The following TENM2 variants were observed in gnomAD, a reference collection of about 807,000 sequenced individuals.
The protein encoded by TENM2 is teneurin-2.
Under a neutral mutation model 245.2 loss-of-function variants are expected in TENM2, and 52 were observed. The observed-to-expected ratio is 0.21, with a 90% CI of 0.17 to 0.27. The LOEUF is 0.27. Among genes scored for constraint, TENM2 ranks in the 10% least tolerant of loss-of-function variants. The pLI, the probability that TENM2 is intolerant of heterozygous loss-of-function variation, is 1.00. For missense variants in TENM2, 3,046 were observed against 3,666.8 expected (o/e 0.83, Z 4.37); for synonymous variants, 1,363 against 1,438.9 (o/e 0.95, Z 1.19).
At chr5:168,154,909 C>CCT (rs949288350) in intron 12 of TENM2, among the ~76,000 whole-genome samples, 3 of 152,220 alleles carry the variant, frequency 2.0e-5, no homozygotes, top group Non-Finnish European at 4.4e-5. Context: ...GGAACATCTG[C>CCT]CTCTCTCAAT....
intron 13 of TENM2, among the ~76,000 whole-genome samples, chr5:168,176,723 T>C (rs1185758911): frequency 2.0e-5 from 3 of 152,224 alleles, no homozygotes; most frequent in African/African-American, 7.2e-5. Flanking sequence ...CAACTCATTG[T>C]TACACGAATT....
At chr5:167,634,446 G>C (rs1049313058) in intron 2 of TENM2, among the ~76,000 whole-genome samples, 1 of 151,656 alleles carries the variant, frequency 6.6e-6, no homozygotes, top group African/African-American at 2.4e-5. Context: ...GCACAAAGAA[G>C]GTGCTCCATA....
chr5:167,731,297 G>A (rs1760420315), intron 2 of TENM2, among the ~76,000 whole-genome samples: 1 of 151,606 alleles, frequency 6.6e-6, no homozygotes, highest in African/African-American at 2.4e-5. Flanking sequence ...CCGTTACAGA[G>A]GGAATTTCAG....
chr5:167,219,796 T>C, the TENM2 span, among the ~76,000 whole-genome samples: 1 of 152,350 alleles, frequency 6.6e-6, no homozygotes, highest in South Asian at 2.1e-4. Context: ...ATAGTTTTCA[T>C]AAGTGGCTGC....
intron 9 of TENM2, among the ~76,000 whole-genome samples, chr5:168,115,363 A>AGGAAG (rs1554200288): frequency 3.1e-5 from 2 of 64,150 alleles, no homozygotes; most frequent in Non-Finnish European, 6.6e-5. Context: ...AAGGAAGGGA[A>AGGAAG]GGAAGGAAGG....
intron 2 of TENM2, among the ~76,000 whole-genome samples, chr5:167,715,580 AATTATT>A (rs1759201210): frequency 1.3e-5 from 2 of 152,236 alleles, no homozygotes; most frequent in Admixed American, 1.3e-4. Context: ...AAGGTTGATA[AATTATT>A]ATTGAGACAG....
At chr5:167,464,535 G>C (rs914345792) in intron 2 of TENM2, among the ~76,000 whole-genome samples, 3 of 152,050 alleles carry the variant, frequency 2.0e-5, no homozygotes, top group Admixed American at 2.0e-4. Context: ...CCTGTATCAC[G>C]AATACCATAT....
At chr5:167,358,392 A>T (rs1759480815) in intron 1 of TENM2, among the ~76,000 whole-genome samples, 1 of 151,856 alleles carries the variant, frequency 6.6e-6, no homozygotes, top group Non-Finnish European at 1.5e-5. Context: ...CTCCTCTTTG[A>T]CATACTTTCT....
intron 3 of TENM2, among the ~76,000 whole-genome samples, chr5:167,936,099 T>G (rs888403461): frequency 6.6e-6 from 1 of 152,224 alleles, no homozygotes; most frequent in Non-Finnish European, 1.5e-5. Context: ...GCAATTTCCA[T>G]TGATGAAAAA....
intron 3 of TENM2, among the ~76,000 whole-genome samples, chr5:167,947,855 GC>G (rs549579282): frequency 6.6e-5 from 10 of 152,058 alleles, no homozygotes; most frequent in Non-Finnish European, 1.3e-4. Context: ...AGCTAGGCAG[GC>G]CCTGACTTTT....
intron 2 of TENM2, among the ~76,000 whole-genome samples, chr5:167,874,873 CTG>C (rs1773287919): frequency 6.6e-6 from 1 of 152,178 alleles, no homozygotes; most frequent in Non-Finnish European, 1.5e-5. Context: ...GCTAGAGAGT[CTG>C]TGCTTTTCTT....
intron 4 of TENM2, among the ~76,000 whole-genome samples, chr5:167,960,848 C>T (rs974292328): frequency 3.9e-5 from 6 of 152,244 alleles, no homozygotes; most frequent in East Asian, 1.9e-4. Flanking sequence ...AAGGGAATCT[C>T]CTGGTCTGTG....
At chr5:167,330,278 T>C (rs983921488) in intron 1 of TENM2, among the ~76,000 whole-genome samples, 5 of 152,160 alleles carry the variant, frequency 3.3e-5, no homozygotes, top group African/African-American at 1.2e-4. Flanking sequence ...ACACTATCAG[T>C]TTGGCATCAT....
chr5:168,230,209 T>TATCA (rs759038924), intron 25 of TENM2, among the ~76,000 whole-genome samples: 31 of 152,212 alleles, frequency 2.0e-4, no homozygotes, highest in Non-Finnish European at 3.4e-4. Flanking sequence ...CAGTTTTATC[T>TATCA]ATCAACACCT....
intron 2 of TENM2, among the ~76,000 whole-genome samples, chr5:167,705,988 TA>T (rs879735919): frequency 0.12 from 8,141 of 68,996 alleles, 321 homozygotes; most frequent in East Asian, 0.14. Context: ...TATATATATA[TA>T]TATTTATTTA....
chr5:168,049,182 T>C (rs1037112331), intron 6 of TENM2, among the ~76,000 whole-genome samples: 4 of 152,084 alleles, frequency 2.6e-5, no homozygotes, highest in African/African-American at 9.7e-5. Flanking sequence ...TGGATAGGGG[T>C]CAGAGATGCT....
At chr5:167,588,624 C>T (rs1775668664) in intron 2 of TENM2, among the ~76,000 whole-genome samples, 1 of 151,984 alleles carries the variant, frequency 6.6e-6, no homozygotes, top group East Asian at 1.9e-4. Flanking sequence ...AACAAAACAA[C>T]AACAAAAGAA....
intron 2 of TENM2, among the ~76,000 whole-genome samples, chr5:167,731,399 A>T (rs546497750): frequency 1.3e-5 from 2 of 152,036 alleles, no homozygotes; most frequent in East Asian, 3.9e-4. Context: ...GTGCATGATC[A>T]TTTATCCAGC....
At chr5:167,871,602 A>G (rs1772832422) in intron 2 of TENM2, among the ~76,000 whole-genome samples, 1 of 152,154 alleles carries the variant, frequency 6.6e-6, no homozygotes, top group African/African-American at 2.4e-5. Context: ...ACACATACAC[A>G]AGACCATATG....
Sources: allele counts gnomAD v4.1 joint callset (sites outside exome capture counted in the v4.1 genomes callset), GRCh38; gene constraint gnomAD v4.1.1; transcripts MANE v1.5; gene names NCBI Gene and HGNC (gene_info 2026-07-23, HGNC 2026-07-21).